The following DEAF1 variants were observed in gnomAD, a reference collection of about 807,000 sequenced individuals.
DEAF1 encodes deformed epidermal autoregulatory factor 1 homolog.
In DEAF1, 53 loss-of-function variants were observed where a neutral mutation model predicts 58.9. That is an observed-to-expected ratio of 0.90 (90% CI 0.72 to 1.13). The LOEUF (loss-of-function observed/expected upper bound fraction) is 1.13, where lower values mean the gene tolerates loss of function less well. DEAF1 is among the 50% of genes most tolerant of loss of function. The pLI is 0.00. For missense variants in DEAF1, 685 were observed against 791.4 expected (o/e 0.87, Z 1.61); for synonymous variants, 385 against 340.4 (o/e 1.13, Z -1.44).
chr11:686,968 C>A lies in DEAF1; in HGVS notation c.694G>T (p.Glu232Ter), dbSNP rs1860621195. Residue 232 changes from glutamate (E) to a stop codon, truncating the protein, a stop_gained, in exon 5 of 12, where the codon GAG (glutamate) becomes TAG (stop). Transcript: ENST00000382409. LOFTEE classifies it high-confidence loss of function. Reference protein sequence around the residue: ...GGRGRCIKQGENWYSPTEFEA... With the variant: ...GGRGRCIKQG ...AACTCGGTGGGACTGTACCAGTTCTCCCCCTGCTTGATGCACCGTCCCCGG... is the reference window on the plus strand; with the variant it reads ...AACTCGGTGGGACTGTACCAGTTCTACCCCTGCTTGATGCACCGTCCCCGG... The A allele has an allele frequency of 6.2e-7, 1 of 1,614,212 alleles. No individual in the cohort carries two copies. Among genetic ancestry groups the A allele is most frequent in the Non-Finnish European group, 8.5e-7 (1 of 1,180,040 alleles).
chr11:680,609 C>T (rs976227925), intron 7 of DEAF1, among the ~76,000 whole-genome samples: 9 of 152,180 alleles, frequency 5.9e-5, no homozygotes, highest in African/African-American at 2.2e-4. Context: ...ACCCACAGAG[C>T]TCTCCGCAGC....
chr11:664,403 T>A (rs1471369654), intron 10 of DEAF1, among the ~76,000 whole-genome samples: 2 of 151,966 alleles, frequency 1.3e-5, no homozygotes, highest in African/African-American at 4.8e-5. Context: ...AGCCTCTAAG[T>A]CCTGACTCCA....
intron 10 of DEAF1, 114 bp from the exon 11 acceptor site, chr11:654,165 CT>C (rs369963488): frequency 0.079 from 31,814 of 404,072 alleles, 34 homozygotes; most frequent in East Asian, 0.12. Flanking sequence ...ATTGGACCCC[CT>C]TTTTTTTTTT....
At chr11:691,117 TG>T (rs1286690888) in intron 2 of DEAF1, among the ~76,000 whole-genome samples, 4 of 152,140 alleles carry the variant, frequency 2.6e-5, no homozygotes, top group African/African-American at 9.7e-5. Context: ...GAACAGGATA[TG>T]GGGGAGGGAA....
rs138701242 is a variant in DEAF1 at position 659,561 on chromosome 11, G to A, written c.1504-5510C>T. Among the ~76,000 whole-genome samples the A allele has an allele frequency of 5.8e-3, 877 of 152,290 alleles. 2 individuals are homozygous for A. Among genetic ancestry groups the A allele is most frequent in the Non-Finnish European group, 9.8e-3 (666 of 68,014 alleles). On this transcript the variant is annotated intron_variant, in intron 10 of 11. Coordinates refer to ENST00000382409, the MANE Select transcript of DEAF1 (RefSeq NM_021008.4). ...CAGGAGCCTCGATGGAGCCAACTCC[G>A]TGTCACCATCACTCCTGAACCAAAT...
intron 1 of DEAF1, among the ~76,000 whole-genome samples, chr11:705,806 C>T (rs1468825531): frequency 6.6e-6 from 1 of 152,216 alleles, no homozygotes; most frequent in Non-Finnish European, 1.5e-5. Context: ...GCCAGCGCTG[C>T]CCCCGAAGTC....
intron 5 of DEAF1, among the ~76,000 whole-genome samples, chr11:685,773 T>G (rs145388549): frequency 6.6e-6 from 1 of 151,232 alleles, no homozygotes; most frequent in Admixed American, 6.6e-5. Flanking sequence ...CCCAGCACTT[T>G]GGGAGGCCGA....
At chr11:647,521 C>CA (rs1858554958) in intron 11 of DEAF1, among the ~76,000 whole-genome samples, 1 of 152,028 alleles carries the variant, frequency 6.6e-6, no homozygotes, top group Non-Finnish European at 1.5e-5. Context: ...GAAATAAAAA[C>CA]AGTGACTAAA....
At position 694,809 on chromosome 11, in the gene DEAF1, G is replaced by A; in HGVS notation, c.239C>T (p.Ala80Val). ...AAEPGHMDMG[A>V]EALPGPDEAA... ...CTCGTCGGGGCCGGGCAGGGCCTCG[G>A]CGCCCATGTCCATGTGCCCGGGCTC... is the stretch of plus-strand genomic sequence containing the variant. Residue 80 changes from alanine to valine, a missense_variant, in exon 1 of 12, where the codon GCC becomes GTC. Physicochemically the swap from Ala to Val is moderately conservative, Grantham distance 64. Coordinates refer to ENST00000382409, the MANE Select transcript of DEAF1 (RefSeq NM_021008.4). 7.0e-7 allele frequency: 1 copy of A among 1,418,962 alleles called. No individual in the cohort carries two copies. The highest frequency in any genetic ancestry group is 1.5e-5 in the South Asian group (1 of 68,280). The allele number at this position is 1,418,962 out of a possible 1,614,324, so 87.9% of individuals were successfully genotyped here.
In DEAF1 at chr11:669,927, C is replaced by CA. The variant is rs59541099; in HGVS notation, c.1503+4608dup. 3.0e-3 allele frequency among the ~76,000 whole-genome samples: 257 copies of CA among 86,830 alleles called. 2 individuals are homozygous for CA. The highest frequency in any genetic ancestry group is 6.6e-3 in the Middle Eastern group (1 of 152). 57.0% of individuals were successfully genotyped at this position (86,830 alleles called of 152,430 possible). Reference sequence around the variant, plus strand: ...CCTGGGTGACAGTGTGAGACTGTCTCAAAAAAAAAAAAAAAAAAAAAAAAA... The same window carrying CA: ...CCTGGGTGACAGTGTGAGACTGTCTCAAAAAAAAAAAAAAAAAAAAAAAAAA... On this transcript the variant is annotated intron_variant, in intron 10 of 11. Transcript: ENST00000382409.
intron 11 of DEAF1, among the ~76,000 whole-genome samples, chr11:649,612 C>T (rs896928650): frequency 1.3e-5 from 2 of 151,110 alleles, no homozygotes; most frequent in Admixed American, 6.6e-5. Flanking sequence ...CCCAGTTACT[C>T]GGGAGAATGA....
chr11:655,979 G>C (rs1294047676), intron 10 of DEAF1, among the ~76,000 whole-genome samples: 1 of 151,348 alleles, frequency 6.6e-6, no homozygotes, highest in African/African-American at 2.4e-5. Flanking sequence ...CTACAGGCAC[G>C]GACCACCACG....
At chr11:701,653 C>A (rs191783462) in intron 1 of DEAF1, among the ~76,000 whole-genome samples, 1 of 151,946 alleles carries the variant, frequency 6.6e-6, no homozygotes, top group African/African-American at 2.4e-5. Flanking sequence ...TCCTGATCCG[C>A]CCACCTCGGC....
intron 1 of DEAF1, chr11:703,432 G>A (rs1683912637): frequency 7.7e-7 from 1 of 1,301,318 alleles, no homozygotes. Context: ...CCCTGTCAGT[G>A]GGGTCTGGCT....
At chr11:657,966 G>A (rs986390123) in intron 10 of DEAF1, among the ~76,000 whole-genome samples, 2 of 152,136 alleles carry the variant, frequency 1.3e-5, no homozygotes, top group Admixed American at 1.3e-4. Context: ...TTCAAAGTCC[G>A]GAGTTCACAG....
intron 11 of DEAF1, among the ~76,000 whole-genome samples, chr11:647,636 A>G (rs1858559851): frequency 6.6e-6 from 1 of 152,218 alleles, no homozygotes; most frequent in African/African-American, 2.4e-5. Context: ...CCCTCAGCCC[A>G]AAGAGAGAGG....
At chr11:694,138 G>A (rs532862241) in intron 1 of DEAF1, among the ~76,000 whole-genome samples, 28 of 152,218 alleles carry the variant, frequency 1.8e-4, no homozygotes, top group African/African-American at 6.3e-4. Context: ...GACAGGTGGG[G>A]GGAGCCAGGA....
chr11:662,832 G>A (rs939024640), intron 10 of DEAF1, among the ~76,000 whole-genome samples: 2 of 152,150 alleles, frequency 1.3e-5, no homozygotes, highest in Non-Finnish European at 2.9e-5. Flanking sequence ...GCACAACCAC[G>A]TCTGCAAGTG....
intron 1 of DEAF1, among the ~76,000 whole-genome samples, chr11:692,076 C>T (rs1860860408): frequency 6.6e-6 from 1 of 152,140 alleles, no homozygotes; most frequent in African/African-American, 2.4e-5. Flanking sequence ...GTCAGGTGAC[C>T]TCGGCCCCAT....
Sources: allele counts gnomAD v4.1 joint callset (sites outside exome capture counted in the v4.1 genomes callset), GRCh38; gene constraint gnomAD v4.1.1; transcripts MANE v1.5; gene names NCBI Gene and HGNC (gene_info 2026-07-23, HGNC 2026-07-21).